The following MED20 variants were observed in gnomAD, a reference collection of about 807,000 sequenced individuals.
MED20 encodes the protein mediator complex subunit 20, also known as mediator of RNA polymerase II transcription subunit 20.
In MED20, 19 loss-of-function variants were observed where a neutral mutation model predicts 19.7. The observed-to-expected ratio is 0.96, with a 90% CI of 0.67 to 1.42. MED20 has a LOEUF of 1.42. Ranked by LOEUF, MED20 falls within the 40% of genes most tolerant of loss-of-function variation. The pLI is 0.00. For missense variants in MED20, 225 were observed against 273.0 expected (o/e 0.82, Z 1.24); for synonymous variants, 105 against 104.8 (o/e 1.00, Z -0.01).
intron 2 of MED20, among the ~76,000 whole-genome samples, chr6:41,913,710 C>T (rs1243133098): frequency 1.3e-5 from 2 of 152,066 alleles, no homozygotes; most frequent in Admixed American, 6.6e-5. Flanking sequence ...CCAGCCTGGC[C>T]AACATGGTGA....
intron 2 of MED20, among the ~76,000 whole-genome samples, chr6:41,914,959 T>G (rs1775278469): frequency 6.6e-6 from 1 of 152,072 alleles, no homozygotes; most frequent in Non-Finnish European, 1.5e-5. Context: ...AATTTCAGAG[T>G]GCATAAGGAT....
At chr6:41,908,696 A>G (rs939834660) in intron 3 of MED20, among the ~76,000 whole-genome samples, 2 of 152,158 alleles carry the variant, frequency 1.3e-5, no homozygotes, top group Non-Finnish European at 2.9e-5. Context: ...TTCCTTGACT[A>G]TCTTTTCCCT....
In MED20 at chr6:41,906,174, C is replaced by G. The variant is rs754437778; in HGVS notation, c.*898G>C. The G allele has an allele frequency of 6.8e-4, 104 of 152,212 alleles. 1 individual carries two copies. Among genetic ancestry groups the G allele is most frequent in the Non-Finnish European group, 2.6e-4 (18 of 68,044 alleles). 9.4% of individuals were successfully genotyped at this position (152,212 alleles called of 1,614,324 possible). A position where few individuals can be genotyped will look rare whatever the true frequency, so the allele number is the denominator to read the frequency against. On this transcript the variant is annotated 3_prime_UTR_variant, in exon 4 of 4. Coordinates refer to ENST00000265350, the MANE Select transcript of MED20 (RefSeq NM_004275.5). The stretch of plus-strand genomic sequence containing the variant: ...TTCTATGTCCCAGCATCTCTTTCAG[C>G]AAAGTGTGGCCACAGTGATCTGAGC...
chr6:41,916,463 C>A (rs1031675411), intron 2 of MED20, among the ~76,000 whole-genome samples: 2 of 151,886 alleles, frequency 1.3e-5, no homozygotes, highest in African/African-American at 4.8e-5. Flanking sequence ...CCTATAATCC[C>A]AGCTACCTGG....
rs964085988 is a variant in MED20, at chr6:41,906,028, C to T, written c.*1044G>A. 3 of 152,214 alleles carry T rather than the reference C, an allele frequency of 2.0e-5. No individual in the cohort carries two copies. Among genetic ancestry groups the T allele is most frequent in the African/African-American group, 7.2e-5 (3 of 41,450 alleles). The allele number at this position is 152,214 out of a possible 1,614,324, so 9.4% of individuals were successfully genotyped here. A position where few individuals can be genotyped will look rare whatever the true frequency, so the allele number is the denominator to read the frequency against. ...TAACAGCCAAAAGCATTCCTGGGCA[C>T]GTCCATTGAGCTCCATGTAACAGAA... On this transcript the variant is annotated 3_prime_UTR_variant, in exon 4 of 4. Coordinates refer to ENST00000265350, the MANE Select transcript of MED20 (RefSeq NM_004275.5).
intron 1 of MED20, among the ~76,000 whole-genome samples, chr6:41,917,258 G>A (rs1272792220): frequency 1.3e-5 from 2 of 152,074 alleles, no homozygotes; most frequent in Non-Finnish European, 2.9e-5. Context: ...AAATTAGCTG[G>A]GCGTGGTAGC....
At chr6:41,912,612 C>T (rs1467814254) in intron 2 of MED20, among the ~76,000 whole-genome samples, 1 of 152,056 alleles carries the variant, frequency 6.6e-6, no homozygotes, top group African/African-American at 2.4e-5. Context: ...CCGCCTCGGC[C>T]TCCCAAAATG....
chr6:41,911,196 G>A (rs1381304130), intron 2 of MED20, among the ~76,000 whole-genome samples: 1 of 150,940 alleles, frequency 6.6e-6, no homozygotes, highest in Non-Finnish European at 1.5e-5. Context: ...TGTCGCCCAG[G>A]CTGTAGTGCA....
At chr6:41,916,972 C>T (rs1339330705) in intron 1 of MED20, 33 bp from the exon 2 acceptor site, 1 of 1,612,146 alleles carries the variant, frequency 6.2e-7, no homozygotes, top group East Asian at 2.2e-5. Context: ...GTCAGTTATC[C>T]AGAGACACAC....
chr6:41,909,415 C>T lies in MED20; in HGVS notation c.277G>A (p.Val93Met), dbSNP rs773697703. Residue 93 changes from valine (V) to methionine (M), a missense_variant, in exon 3 of 4, where the codon GTG (valine) becomes ATG (methionine). Transcript: ENST00000265350. ...AAGCCCTTGAGCTTCACCATAAGCA[C>T]ATCAAAGTTGGTGTCAGCAATAAGG... ...PCLIADTNFD[V>M]LMVKLKGFFQ... 4 of 1,614,086 alleles carry T rather than the reference C, an allele frequency of 2.5e-6. No individual in the cohort carries two copies. The highest frequency in any genetic ancestry group is 2.7e-5 in the African/African-American group (2 of 74,920).
At chr6:41,913,095 G>C (rs1363548204) in intron 2 of MED20, 1 of 145,496 alleles carries the variant, frequency 6.9e-6, no homozygotes, top group East Asian at 2.0e-4. Context: ...GGGTGACAGA[G>C]AGACCCTGTC....
chr6:41,909,107 G>A (rs183793634), intron 3 of MED20, 162 bp downstream of exon 3: 6 of 897,230 alleles, frequency 6.7e-6, no homozygotes, highest in South Asian at 1.7e-5. Flanking sequence ...CCTGGAGGTC[G>A]AGGCTACAGT....
chr6:41,918,010 C>A (rs750757530), intron 1 of MED20: 44 of 259,002 alleles, frequency 1.7e-4, no homozygotes, highest in Middle Eastern at 9.3e-4. Flanking sequence ...AAGAATGGAA[C>A]AAAACAAAAA....
chr6:41,907,429 G>A, intron 3 of MED20, 142 bp from the exon 4 acceptor site: 1 of 749,778 alleles, frequency 1.3e-6, no homozygotes, highest in Non-Finnish European at 2.1e-6. Context: ...TGGTCCACAG[G>A]AAACATTCAA....
At chr6:41,907,315 G>A in intron 3 of MED20, 28 bp from the exon 4 acceptor site, 1 of 1,580,364 alleles carries the variant, frequency 6.3e-7, no homozygotes. Context: ...AGAGAATGAG[G>A]GTGAATGAAG....
At chr6:41,918,953 CAA>C (rs36153208) in intron 1 of MED20, among the ~76,000 whole-genome samples, 2 of 76,202 alleles carry the variant, frequency 2.6e-5, no homozygotes, top group Non-Finnish European at 2.6e-5. Flanking sequence ...GACTCCGTCT[CAA>C]AAAAAAAAAA....
In MED20 at chr6:41,919,287, T is replaced by G. The variant is rs905819434; in HGVS notation, c.14+1718A>C. Among the ~76,000 whole-genome samples, 5 of 152,138 alleles carry G rather than the reference T, an allele frequency of 3.3e-5. No homozygotes were observed. The East Asian group carries it at 9.6e-4, about 29-fold the overall frequency. On this transcript the variant is annotated intron_variant, in intron 1 of 3. Transcript: ENST00000265350. ...GCTCTTAACCACTAACTAGACTGCCTGTATAAGGATGTAGTGCCTGTTAAA... is the reference window on the plus strand; with the variant it reads ...GCTCTTAACCACTAACTAGACTGCCGGTATAAGGATGTAGTGCCTGTTAAA...
At chr6:41,914,249 T>C (rs1415279344) in intron 2 of MED20, among the ~76,000 whole-genome samples, 1 of 151,836 alleles carries the variant, frequency 6.6e-6, no homozygotes, top group African/African-American at 2.4e-5. Flanking sequence ...ACCAAGGAGG[T>C]GAAGACACAG....
chr6:41,918,296 G>A (rs548916881), intron 1 of MED20, among the ~76,000 whole-genome samples: 2 of 151,876 alleles, frequency 1.3e-5, no homozygotes, highest in Non-Finnish European at 2.9e-5. Flanking sequence ...TTGAGGTCAG[G>A]AGTTCGAGAC....
Sources: gnomAD v4.1 joint callset for allele counts (sites outside exome capture counted in the v4.1 genomes callset) on GRCh38, gnomAD v4.1.1 for gene constraint, MANE v1.5 for transcripts, NCBI Gene and HGNC (gene_info 2026-07-23, HGNC 2026-07-21) for gene names.